Variants in RSRC1 observed in about 807,000 individuals in gnomAD.
RSRC1 encodes arginine and serine rich coiled-coil 1.
Under a neutral mutation model 49.1 loss-of-function variants are expected in RSRC1, and 39 were observed. The ratio of observed to expected loss-of-function variants is 0.79; its 90% CI spans 0.61 to 1.04. The LOEUF is 1.04. Among genes scored for constraint, RSRC1 ranks in the 50% least tolerant of loss-of-function variants. RSRC1 has a pLI of 0.00. For missense variants in RSRC1, 388 were observed against 402.4 expected (o/e 0.96, Z 0.31); for synonymous variants, 143 against 130.8 (o/e 1.09, Z -0.63).
At chr3:158,363,477 C>G (rs536258189) in intron 6 of RSRC1, among the ~76,000 whole-genome samples, 1 of 152,230 alleles carries the variant, frequency 6.6e-6, no homozygotes, top group East Asian at 1.9e-4. Flanking sequence ...GTTGGCCAGG[C>G]TGGTCTTGAA....
At chr3:158,535,858 T>C (rs1158654975) in intron 7 of RSRC1, among the ~76,000 whole-genome samples, 3 of 151,446 alleles carry the variant, frequency 2.0e-5, no homozygotes, top group Non-Finnish European at 4.4e-5. Context: ...AGAGAAAGAA[T>C]CAAACATTTA....
rs79121405 is a variant in RSRC1, at chr3:158,510,396, T to C, written c.653-26696T>C. The stretch of plus-strand genomic sequence containing the variant: ...GTATTCAAATTTATTAGTCCTTTTA[T>C]GTTTTATATTTTTTATGTCCTGTAT... On this transcript the variant is annotated intron_variant, in intron 7 of 9. Transcript: ENST00000611884. 2.5e-4 allele frequency among the ~76,000 whole-genome samples: 38 copies of C among 152,324 alleles called. No homozygotes were observed. The East Asian group carries it at 4.2e-3, about 17-fold the overall frequency.
chr3:158,195,693 T>A (rs1720560502), intron 3 of RSRC1, among the ~76,000 whole-genome samples: 1 of 152,228 alleles, frequency 6.6e-6, no homozygotes, highest in South Asian at 2.1e-4. Flanking sequence ...AAGGAAGGGA[T>A]CCAGTTTCAG....
At chr3:158,380,545 T>A (rs1215856474) in intron 6 of RSRC1, among the ~76,000 whole-genome samples, 1 of 152,250 alleles carries the variant, frequency 6.6e-6, no homozygotes, top group Non-Finnish European at 1.5e-5. Context: ...CAAAGCACTT[T>A]TGCATATTAT....
At chr3:158,410,997 C>T (rs888509595) in intron 6 of RSRC1, among the ~76,000 whole-genome samples, 5 of 151,978 alleles carry the variant, frequency 3.3e-5, no homozygotes, top group African/African-American at 1.2e-4. Flanking sequence ...TGTAGTTTCA[C>T]TATGTATTGC....
intron 5 of RSRC1, among the ~76,000 whole-genome samples, chr3:158,316,461 T>C (rs1268294058): frequency 1.6e-5 from 2 of 126,448 alleles, no homozygotes; most frequent in East Asian, 4.7e-4. Flanking sequence ...TTTTTTTTTT[T>C]TTTGAGACGG....
At chr3:158,153,300 A>G (rs1165951152) in intron 3 of RSRC1, among the ~76,000 whole-genome samples, 1 of 151,348 alleles carries the variant, frequency 6.6e-6, no homozygotes, top group Non-Finnish European at 1.5e-5. Flanking sequence ...TGGGTATGGA[A>G]CTCTCTTCTT....
chr3:158,126,211 C>T (rs1715617211), intron 3 of RSRC1, among the ~76,000 whole-genome samples: 1 of 152,070 alleles, frequency 6.6e-6, no homozygotes, highest in African/African-American at 2.4e-5. Context: ...AATCCAGTTA[C>T]ATTTACAATA....
At position 158,361,018 on chromosome 3, in the gene RSRC1, C is replaced by A. The variant is rs558061066; in HGVS notation, c.583+6110C>A. On this transcript the variant is annotated intron_variant, in intron 6 of 9. Transcript: ENST00000611884. Reference sequence around the variant, plus strand: ...AGGAGAGATGTCTCCGCAAGCTCCCCCTGTGGCCCTGGCTCTCAGGGGTGG... The same window carrying A: ...AGGAGAGATGTCTCCGCAAGCTCCCACTGTGGCCCTGGCTCTCAGGGGTGG... 3.8e-4 allele frequency among the ~76,000 whole-genome samples: 58 copies of A among 152,326 alleles called. 1 individual carries two copies. The highest frequency in any genetic ancestry group is 3.4e-3 in the Middle Eastern group (1 of 294).
At chr3:158,296,974 G>A (rs1727272414) in intron 4 of RSRC1, among the ~76,000 whole-genome samples, 1 of 151,990 alleles carries the variant, frequency 6.6e-6, no homozygotes, top group South Asian at 2.1e-4. Context: ...AAACAGGTAA[G>A]TATATCTTTG....
chr3:158,162,287 G>A (rs555437691), intron 3 of RSRC1, among the ~76,000 whole-genome samples: 1 of 152,240 alleles, frequency 6.6e-6, no homozygotes, highest in South Asian at 2.1e-4. Context: ...AACTGACGCT[G>A]TACTGAGCTC....
At chr3:158,132,335 T>G (rs1394200178) in intron 3 of RSRC1, 1 of 153,778 alleles carries the variant, frequency 6.5e-6, no homozygotes, top group African/African-American at 2.4e-5. Flanking sequence ...TACTTGTGAA[T>G]TTACTTCTAA....
intron 3 of RSRC1, among the ~76,000 whole-genome samples, chr3:158,174,507 C>T (rs1312996642): frequency 6.6e-6 from 1 of 151,954 alleles, no homozygotes; most frequent in Non-Finnish European, 1.5e-5. Flanking sequence ...AACCCCTGCT[C>T]ATACCCCTCA....
At chr3:158,334,580 A>C (rs1729761824) in intron 5 of RSRC1, among the ~76,000 whole-genome samples, 1 of 151,146 alleles carries the variant, frequency 6.6e-6, no homozygotes, top group Non-Finnish European at 1.5e-5. Context: ...TCCCTGGTTC[A>C]AGGGATTCTC....
At chr3:158,178,012 A>T (rs1344747720) in intron 3 of RSRC1, among the ~76,000 whole-genome samples, 1 of 152,104 alleles carries the variant, frequency 6.6e-6, no homozygotes. Flanking sequence ...TTTCAAATTT[A>T]TTAGCAGGAT....
At chr3:158,249,106 A>G (rs1724066737) in intron 4 of RSRC1, among the ~76,000 whole-genome samples, 1 of 152,156 alleles carries the variant, frequency 6.6e-6, no homozygotes, top group African/African-American at 2.4e-5. Flanking sequence ...TAGTGTGTCT[A>G]GTCAATATTT....
intron 4 of RSRC1, among the ~76,000 whole-genome samples, chr3:158,229,246 A>G (rs1006843815): frequency 6.6e-5 from 10 of 150,526 alleles, no homozygotes; most frequent in Non-Finnish European, 1.2e-4. Flanking sequence ...ATGTATGTAT[A>G]TAAACATACA....
intron 7 of RSRC1, among the ~76,000 whole-genome samples, chr3:158,474,540 A>G (rs1355130510): frequency 6.6e-6 from 1 of 152,128 alleles, no homozygotes; most frequent in African/African-American, 2.4e-5. Context: ...TGCTGCATTG[A>G]TTGACTCTTC....
intron 4 of RSRC1, among the ~76,000 whole-genome samples, chr3:158,273,694 C>T (rs1250223293): frequency 2.0e-5 from 3 of 152,010 alleles, no homozygotes; most frequent in Admixed American, 1.3e-4. Flanking sequence ...GGTAAGCATC[C>T]CCATACTGAA....
Sources: allele counts gnomAD v4.1 joint callset (sites outside exome capture counted in the v4.1 genomes callset), GRCh38; gene constraint gnomAD v4.1.1; transcripts MANE v1.5; gene names NCBI Gene and HGNC (gene_info 2026-07-23, HGNC 2026-07-21).